The following LRFN5 variants were observed in gnomAD, a reference collection of about 807,000 sequenced individuals.
LRFN5 encodes leucine-rich repeat and fibronectin type-III domain-containing protein 5.
In LRFN5, 24 loss-of-function variants were observed where a neutral mutation model predicts 45.6. The ratio of observed to expected loss-of-function variants is 0.53; its 90% confidence interval spans 0.38 to 0.74. The LOEUF (loss-of-function observed/expected upper bound fraction) is 0.74, where lower values mean the gene tolerates loss of function less well. Among genes scored for constraint, LRFN5 ranks in the 30% least tolerant of loss-of-function variants. The pLI is 0.00. For missense variants in LRFN5, 776 were observed against 861.5 expected (o/e 0.90, Z 1.24); for synonymous variants, 340 against 313.8 (o/e 1.08, Z -0.88).
chr14:41,758,989 A>G (rs1052447325), intron 1 of LRFN5, among the ~76,000 whole-genome samples: 1 of 152,154 alleles, frequency 6.6e-6, no homozygotes, highest in Non-Finnish European at 1.5e-5. Flanking sequence ...TGAAGGTGCT[A>G]GATGCTGCAG....
At chr14:41,754,752 G>GTC (rs1316785548) in intron 1 of LRFN5, among the ~76,000 whole-genome samples, 3 of 152,014 alleles carry the variant, frequency 2.0e-5, no homozygotes, top group African/African-American at 4.8e-5. Context: ...CGTTTTTTGT[G>GTC]TCTCTGTTTC....
At chr14:41,670,410 C>T (rs937348027) in intron 1 of LRFN5, among the ~76,000 whole-genome samples, 4 of 148,878 alleles carry the variant, frequency 2.7e-5, no homozygotes, top group Middle Eastern at 3.6e-3. Flanking sequence ...CTTTTCACTA[C>T]GTAATTTGTA....
chr14:41,822,311 G>T (rs1367450601), intron 2 of LRFN5, among the ~76,000 whole-genome samples: 1 of 151,740 alleles, frequency 6.6e-6, no homozygotes, highest in African/African-American at 2.4e-5. Flanking sequence ...TAAACTCTTA[G>T]CACTGTTTTT....
chr14:41,857,473 A>G (rs1032717929), intron 2 of LRFN5, among the ~76,000 whole-genome samples: 2 of 152,180 alleles, frequency 1.3e-5, no homozygotes, highest in African/African-American at 4.8e-5. Context: ...TATAGTATAT[A>G]TGCTACTTAT....
At chr14:41,895,182 A>G (rs1890898702) in intron 4 of LRFN5, among the ~76,000 whole-genome samples, 1 of 152,186 alleles carries the variant, frequency 6.6e-6, no homozygotes, top group Non-Finnish European at 1.5e-5. Flanking sequence ...AAAATATAAA[A>G]TTATTATTAC....
intron 2 of LRFN5, among the ~76,000 whole-genome samples, chr14:41,844,952 A>G (rs1035620198): frequency 6.6e-6 from 1 of 152,170 alleles, no homozygotes; most frequent in Admixed American, 6.5e-5. Flanking sequence ...GTAAAATGTA[A>G]AATTAAAAGA....
intron 1 of LRFN5, among the ~76,000 whole-genome samples, chr14:41,658,623 A>G (rs1400031980): frequency 6.6e-6 from 1 of 151,970 alleles, no homozygotes; most frequent in African/African-American, 2.4e-5. Flanking sequence ...AGCCAATGAT[A>G]CGCAATTATC....
chr14:41,863,640 T>C (rs988543123), intron 2 of LRFN5, among the ~76,000 whole-genome samples: 15 of 152,224 alleles, frequency 9.9e-5, no homozygotes, highest in African/African-American at 3.6e-4. Context: ...TCTGAATAAA[T>C]ACAATTCTTT....
At chr14:41,705,414 A>T (rs1443170880) in intron 1 of LRFN5, among the ~76,000 whole-genome samples, 1 of 152,178 alleles carries the variant, frequency 6.6e-6, no homozygotes, top group Non-Finnish European at 1.5e-5. Context: ...AAATTAAGGA[A>T]CATATATGAA....
chr14:41,684,323 AAAAG>A (rs199744860), intron 1 of LRFN5, among the ~76,000 whole-genome samples: 2,263 of 152,294 alleles, frequency 0.015, 12 homozygotes, highest in African/African-American at 0.021. Flanking sequence ...GATAATTTAT[AAAAG>A]AAAGAGGTTT....
At chr14:41,649,786 ACTCCACACTG>A (rs1880006217) in intron 1 of LRFN5, among the ~76,000 whole-genome samples, 1 of 152,000 alleles carries the variant, frequency 6.6e-6, no homozygotes, top group African/African-American at 2.4e-5. Context: ...AATTCACTGA[ACTCCACACTG>A]CTCTTTGGCT....
rs552936238 is a variant in LRFN5, at chr14:41,692,411, ATTTTC to A, written c.-196-74438_-196-74434del. ...CTTCTAAATGGTTACTACCCTTTTA[ATTTTC>A]TTTTTTTTATTATTATACTTTAAGT... On this transcript the variant is annotated intron_variant, in intron 1 of 5. Transcript: ENST00000298119. Among the ~76,000 whole-genome samples the A allele has an allele frequency of 5.5e-3, 832 of 151,936 alleles. 4 individuals carry two copies. Among genetic ancestry groups the A allele is most frequent in the African/African-American group, 0.018 (754 of 41,456 alleles).
intron 2 of LRFN5, among the ~76,000 whole-genome samples, chr14:41,777,286 G>A (rs980810960): frequency 2.0e-5 from 3 of 151,488 alleles, no homozygotes; most frequent in African/African-American, 4.8e-5. Flanking sequence ...TAGATGAGTA[G>A]AAATATTTTA....
At position 41,882,495 on chromosome 14, in the gene LRFN5, G is replaced by T. The variant is rs531996222; in HGVS notation, c.-20-4111G>T. Among the ~76,000 whole-genome samples the T allele has an allele frequency of 3.9e-5, 6 of 152,186 alleles. No homozygotes were observed. In the East Asian group the frequency reaches 1.2e-3, roughly 29 times the overall value. ...TCTTTCCAAGCTGAAAAGCAAGGTT[G>T]CCTGAAGTATTTCTTTCAATTTTCC... On this transcript the variant is annotated intron_variant, in intron 2 of 5. Transcript: ENST00000298119.
intron 1 of LRFN5, chr14:41,609,961 G>C (rs1887674146): frequency 6.6e-6 from 1 of 152,460 alleles, no homozygotes; most frequent in South Asian, 2.1e-4. Flanking sequence ...GCGCACTGAC[G>C]TCCCCAACTC....
chr14:41,887,633 G>A lies in LRFN5; in HGVS notation c.1008G>A (p.Val336=). The change falls in exon 3 of 6, where the codon GTG becomes GTA. Residue 336 remains valine, a synonymous_variant. Transcript: ENST00000298119. The surrounding 1 kb of genome is among the most constrained non-coding windows in gnomAD (Gnocchi z 4.8). The part of the protein sequence containing the change: ...KLISNATRSL[V]YDNGTLDILI... ...TTTCAAATGCAACAAGATCTCTGGT[G>A]TATGATAACGGAACACTTGACATTC... is the stretch of plus-strand genomic sequence containing the variant. 6.2e-7 allele frequency: 1 copy of A among 1,614,226 alleles called. No individual in the cohort carries two copies. Among genetic ancestry groups the A allele is most frequent in the Non-Finnish European group, 8.5e-7 (1 of 1,180,048 alleles).
intron 1 of LRFN5, among the ~76,000 whole-genome samples, chr14:41,657,230 C>G (rs1880420472): frequency 2.6e-5 from 4 of 151,852 alleles, no homozygotes; most frequent in Admixed American, 2.6e-4. Flanking sequence ...GTTGATATTT[C>G]AGCTTTTATG....
chr14:41,691,590 A>T (rs1343003296), intron 1 of LRFN5, among the ~76,000 whole-genome samples: 1 of 152,068 alleles, frequency 6.6e-6, no homozygotes, highest in Admixed American at 6.6e-5. Flanking sequence ...TACAATTTAT[A>T]CGTAACATTT....
chr14:41,824,874 A>G (rs1888240068), intron 2 of LRFN5, among the ~76,000 whole-genome samples: 2 of 152,018 alleles, frequency 1.3e-5, no homozygotes, highest in Non-Finnish European at 1.5e-5. Flanking sequence ...GCAAGGGGAG[A>G]GGGGACTGCA....
Sources: allele counts gnomAD v4.1 joint callset (sites outside exome capture counted in the v4.1 genomes callset), GRCh38; gene constraint gnomAD v4.1.1; non-coding constraint Gnocchi (gnomAD v3.1); transcripts MANE v1.5; gene names NCBI Gene and HGNC (gene_info 2026-07-23, HGNC 2026-07-21).